Variants in CNTN3 observed in about 807,000 individuals in gnomAD.
CNTN3 encodes contactin 3.
CNTN3 carries 60 observed loss-of-function variants against 119.1 expected under a neutral mutation model. The ratio of observed to expected loss-of-function variants is 0.50; its 90% CI spans 0.41 to 0.62. The LOEUF (loss-of-function observed/expected upper bound fraction) is 0.62, where lower values mean the gene tolerates loss of function less well. CNTN3 is among the 20% of genes least tolerant of loss of function. The pLI, the probability that CNTN3 is intolerant of heterozygous loss-of-function variation, is 0.00. For synonymous variants in CNTN3, 450 were observed against 438.7 expected, an observed-to-expected ratio of 1.03 and a Z score of -0.32; for missense variants, 1,101 against 1,242.4, an observed-to-expected ratio of 0.89 and a Z score of 1.71.
intron 1 of CNTN3, among the ~76,000 whole-genome samples, chr3:74,587,417 G>A (rs1277661555): frequency 6.6e-6 from 1 of 151,922 alleles, no homozygotes; most frequent in East Asian, 1.9e-4. Context: ...AACTTATCAT[G>A]TTCCCTTTTT....
intron 20 of CNTN3, among the ~76,000 whole-genome samples, chr3:74,278,382 A>G (rs903301057): frequency 1.3e-5 from 2 of 152,178 alleles, no homozygotes; most frequent in Non-Finnish European, 2.9e-5. Context: ...AGTCACCAAA[A>G]CAGCATGGTA....
chr3:74,570,998 A>G (rs1399498495), intron 1 of CNTN3, among the ~76,000 whole-genome samples: 1 of 152,228 alleles, frequency 6.6e-6, no homozygotes. Flanking sequence ...TTGAAGTAGA[A>G]GCATCTGTAA....
At chr3:74,498,288 C>T (rs1312631075) in intron 3 of CNTN3, among the ~76,000 whole-genome samples, 1 of 151,844 alleles carries the variant, frequency 6.6e-6, no homozygotes, top group African/African-American at 2.4e-5. Context: ...TTAAGCTGAT[C>T]TGTTCAACTT....
intron 2 of CNTN3, among the ~76,000 whole-genome samples, chr3:74,508,525 C>T (rs1703305974): frequency 6.6e-6 from 1 of 152,088 alleles, no homozygotes; most frequent in Non-Finnish European, 1.5e-5. Context: ...ATGTAATTAT[C>T]ATCATGATTA....
intron 1 of CNTN3, among the ~76,000 whole-genome samples, chr3:74,541,706 G>T (rs1703845161): frequency 6.6e-6 from 1 of 151,984 alleles, no homozygotes; most frequent in African/African-American, 2.4e-5. Context: ...TATGTGCTGG[G>T]GTCATGAGAG....
At chr3:74,602,751 C>T (rs892317029) in intron 1 of CNTN3, among the ~76,000 whole-genome samples, 3 of 151,994 alleles carry the variant, frequency 2.0e-5, no homozygotes, top group Non-Finnish European at 2.9e-5. Context: ...CACTTGCTTA[C>T]CTCCCCTTCC....
intron 1 of CNTN3, among the ~76,000 whole-genome samples, chr3:74,526,854 A>G (rs77729760): frequency 0.037 from 5,620 of 151,794 alleles, 140 homozygotes; most frequent in South Asian, 0.068. Flanking sequence ...TATTATTTAG[A>G]TTATGGCTTC....
At position 74,407,472 on chromosome 3, in the gene CNTN3, C is replaced by T. The variant is rs186148266; in HGVS notation, c.454+17373G>A. On this transcript the variant is annotated intron_variant, in intron 5 of 22. Transcript: ENST00000263665. ...TTTTTTAGTAGAGACAGGGTTTCTC[C>T]ATGTTGGTCAGGCTGGTCTCAAACT... 5.4e-3 allele frequency among the ~76,000 whole-genome samples: 799 copies of T among 148,126 alleles called. 14 individuals carry two copies. The highest frequency in any genetic ancestry group is 5.2e-3 in the Non-Finnish European group (347 of 67,292).
intron 5 of CNTN3, among the ~76,000 whole-genome samples, chr3:74,415,029 T>C (rs1701497936): frequency 6.6e-6 from 1 of 152,116 alleles, no homozygotes; most frequent in Non-Finnish European, 1.5e-5. Flanking sequence ...CATATTAAAA[T>C]AAATTCTGTT....
intron 4 of CNTN3, among the ~76,000 whole-genome samples, chr3:74,486,142 C>T (rs1702852391): frequency 6.6e-6 from 1 of 151,890 alleles, no homozygotes; most frequent in Non-Finnish European, 1.5e-5. Flanking sequence ...ATAAAAATAT[C>T]CTCAACTGCA....
At chr3:74,319,571 G>T (rs1028119408) in intron 13 of CNTN3, among the ~76,000 whole-genome samples, 1 of 151,836 alleles carries the variant, frequency 6.6e-6, no homozygotes, top group South Asian at 2.1e-4. Context: ...CCCTAGAAGA[G>T]AACCTAGGCA....
intron 4 of CNTN3, among the ~76,000 whole-genome samples, chr3:74,451,711 C>G: frequency 6.6e-6 from 1 of 150,554 alleles, no homozygotes. Context: ...AGGAAGGGAT[C>G]CAGTTTCAGC....
intron 1 of CNTN3, among the ~76,000 whole-genome samples, chr3:74,525,085 T>A (rs1703599539): frequency 6.6e-6 from 1 of 151,776 alleles, no homozygotes; most frequent in African/African-American, 2.4e-5. Flanking sequence ...ATAATCATAT[T>A]TGAAATAAAC....
chr3:74,567,348 G>A (rs1196829371), intron 1 of CNTN3, among the ~76,000 whole-genome samples: 1 of 138,386 alleles, frequency 7.2e-6, no homozygotes, highest in East Asian at 2.0e-4. Context: ...TTTGTAGAGA[G>A]GGGGTCTTAC....
chr3:74,424,369 C>A (rs1324169937), intron 5 of CNTN3, among the ~76,000 whole-genome samples: 1 of 148,224 alleles, frequency 6.7e-6, no homozygotes. Context: ...TGGATATACA[C>A]ACATATCATT....
chr3:74,571,894 T>C (rs1394376879), intron 1 of CNTN3, among the ~76,000 whole-genome samples: 2 of 152,154 alleles, frequency 1.3e-5, no homozygotes, highest in African/African-American at 2.4e-5. Context: ...GGCCTTGCAG[T>C]CTTTTGCAGC....
chr3:74,348,396 A>G (rs908813098), intron 11 of CNTN3, among the ~76,000 whole-genome samples: 1 of 152,174 alleles, frequency 6.6e-6, no homozygotes, highest in African/African-American at 2.4e-5. Context: ...TTGAATTTGG[A>G]TAGCTTGTGA....
At chr3:74,344,459 T>C (rs1185392113) in intron 11 of CNTN3, among the ~76,000 whole-genome samples, 1 of 117,458 alleles carries the variant, frequency 8.5e-6, no homozygotes, top group Non-Finnish European at 1.6e-5. Context: ...GGAGTCTCAC[T>C]CTGTCCCCCA....
In CNTN3 at chr3:74,262,782, A is replaced by G. The variant is rs1054498674; in HGVS notation, c.*1619T>C. On this transcript the variant is annotated 3_prime_UTR_variant, in exon 23 of 23. Coordinates refer to ENST00000263665, the MANE Select transcript of CNTN3 (RefSeq NM_020872.3). The stretch of plus-strand genomic sequence containing the variant: ...CATATAGGAATTACTAAATAATAAA[A>G]AGGTCCAACTTCATTACATGTAGCA... The G allele has an allele frequency of 1.3e-5, 2 of 152,378 alleles. No individual in the cohort carries two copies. Among genetic ancestry groups the G allele is most frequent in the Non-Finnish European group, 2.9e-5 (2 of 67,996 alleles). 9.4% of individuals were successfully genotyped at this position (152,378 alleles called of 1,614,324 possible).
Sources: gnomAD v4.1 joint callset for allele counts (sites outside exome capture counted in the v4.1 genomes callset) on GRCh38, gnomAD v4.1.1 for gene constraint, MANE v1.5 for transcripts, NCBI Gene and HGNC (gene_info 2026-07-23, HGNC 2026-07-21) for gene names.